ANKRD30A: variants seen among roughly 807,000 people sequenced by gnomAD.
The protein encoded by ANKRD30A is ankyrin repeat domain-containing protein 30A.
A neutral mutation model predicts 166.3 loss-of-function variants in ANKRD30A; 170 were observed. The ratio of observed to expected loss-of-function variants is 1.02; its 90% CI spans 0.90 to 1.16. The LOEUF is 1.16. ANKRD30A is among the 50% of genes most tolerant of loss of function. The pLI is 0.00. For synonymous variants in ANKRD30A, 564 were observed against 508.9 expected (o/e 1.11, Z -1.46); for missense variants, 1,630 against 1,518.0 (o/e 1.07, Z -1.23).
chr10:37,171,716 T>C (rs1217482432), intron 21 of ANKRD30A, among the ~76,000 whole-genome samples: 3 of 151,226 alleles, frequency 2.0e-5, no homozygotes, highest in Non-Finnish European at 4.4e-5. Flanking sequence ...TTTAAAAAGA[T>C]ATAAATCAAA....
Position 37,193,204 on chromosome 10 carries a change from G to A in ANKRD30A, c.2560G>A (p.Val854Ile), listed in dbSNP as rs749191300. Residue 854 changes from valine (V) to isoleucine (I), a missense_variant, in exon 27 of 36, where the codon GTT becomes ATT. Physicochemically the swap from Val to Ile is conservative, Grantham distance 29. This residue lies in a region of ANKRD30A where 712 missense variants were observed against 629.3 expected (regional missense o/e 1.13). Coordinates refer to ENST00000361713, the MANE Select transcript of ANKRD30A (RefSeq NM_052997.3). ...GFLKAPCRMK[V>I]SIPTKALELM... ...CATTTAGGCTCCCTGCAGAATGAAAGTTTCTATTCCAACTAAAGCCTTAGA... is the reference window on the plus strand; with the variant it reads ...CATTTAGGCTCCCTGCAGAATGAAAATTTCTATTCCAACTAAAGCCTTAGA... 1.2e-6 allele frequency: 2 copies of A among 1,611,890 alleles called. No homozygotes were observed. The highest frequency in any genetic ancestry group is 1.7e-6 in the Non-Finnish European group (2 of 1,179,316).
chr10:37,161,115 G>T (rs1215903433), intron 15 of ANKRD30A, among the ~76,000 whole-genome samples: 1 of 152,128 alleles, frequency 6.6e-6, no homozygotes. Flanking sequence ...TTAGTCGGAC[G>T]TGGTGGCACG....
chr10:37,142,021 C>T lies in ANKRD30A; in HGVS notation c.1124C>T (p.Pro375Leu). The T allele has an allele frequency of 6.2e-7, 1 of 1,603,858 alleles. No individual in the cohort carries two copies. The highest frequency in any genetic ancestry group is 1.4e-5 in the African/African-American group (1 of 71,916). Residue 375 changes from proline (P) to leucine (L), a missense_variant, in exon 7 of 36, where the codon CCA becomes CTA. Around this residue, in one of 4 missense-constraint regions of ANKRD30A, gnomAD observed 904 missense variants for 818.5 expected, o/e 1.10. Coordinates refer to ENST00000361713, the MANE Select transcript of ANKRD30A (RefSeq NM_052997.3). Reference sequence around the variant, plus strand: ...GAAACATCTGAGAAATTTACGTGGCCAGCAAAAGGAAGACCTAGGAAGATC... The same window carrying T: ...GAAACATCTGAGAAATTTACGTGGCTAGCAAAAGGAAGACCTAGGAAGATC... ...AKETSEKFTW[P>L]AKGRPRKIAW... is the part of the protein sequence containing the mutation.
the ANKRD30A span, among the ~76,000 whole-genome samples, chr10:37,254,456 C>A: frequency 1.6e-4 from 24 of 152,196 alleles, 1 homozygote; most frequent in African/African-American, 5.3e-4. Flanking sequence ...TTTGTATTTT[C>A]TTGATGGCTG....
At chr10:37,154,848 A>G (rs1838241291) in intron 13 of ANKRD30A, among the ~76,000 whole-genome samples, 1 of 152,158 alleles carries the variant, frequency 6.6e-6, no homozygotes, top group African/African-American at 2.4e-5. Context: ...AATCATGAGG[A>G]TTACTAGAAT....
At chr10:37,226,488 AT>A (rs949961029) in intron 34 of ANKRD30A, among the ~76,000 whole-genome samples, 2 of 151,668 alleles carry the variant, frequency 1.3e-5, no homozygotes, top group African/African-American at 4.8e-5. Context: ...ATAGCATAAC[AT>A]TTTCAAGGTC....
chr10:37,218,743 ACTCT>A (rs1842726965), intron 33 of ANKRD30A, among the ~76,000 whole-genome samples: 2 of 148,188 alleles, frequency 1.3e-5, no homozygotes, highest in African/African-American at 4.9e-5. Flanking sequence ...GTTCTTAAAA[ACTCT>A]CTAGTCATTT....
At chr10:37,197,580 A>G (rs1841242240) in intron 29 of ANKRD30A, 100 bp downstream of exon 29, 12 of 1,557,952 alleles carry the variant, frequency 7.7e-6, no homozygotes, top group East Asian at 4.6e-5. Flanking sequence ...AACTTTGATG[A>G]TAAGTTTTGA....
At chr10:37,257,729 T>G in the ANKRD30A span, among the ~76,000 whole-genome samples, 1 of 152,334 alleles carries the variant, frequency 6.6e-6, no homozygotes, top group East Asian at 1.9e-4. Context: ...TTCTTAATCC[T>G]GAGTTCTAAT....
intron 24 of ANKRD30A, among the ~76,000 whole-genome samples, chr10:37,179,054 A>ATATATATATATATATATG (rs1839984368): frequency 7.4e-6 from 1 of 135,428 alleles, no homozygotes; most frequent in African/African-American, 2.9e-5. Context: ...ATATATATAT[A>ATATATATATATATATATG]TATATATATA....
In ANKRD30A at chr10:37,197,475, G is replaced by A. The variant is rs1177642162; in HGVS notation, c.2711G>A (p.Arg904Lys). 6.2e-7 allele frequency: 1 copy of A among 1,612,116 alleles called. No individual in the cohort carries two copies. Among genetic ancestry groups the A allele is most frequent in the Non-Finnish European group, 8.5e-7 (1 of 1,179,660 alleles). Reference protein sequence around the residue: ...ALELKNEQTLRADQMFPSESK... With the variant: ...ALELKNEQTLKADQMFPSESK... ...GAATTGAAGAATGAACAAACATTGA[G>A]AGCAGGTACATTTTTCAATGTAACT... is the stretch of plus-strand genomic sequence containing the variant. The change falls in exon 29 of 36, where the codon AGA becomes AAA. Residue 904 changes from arginine to lysine, a missense_variant. Physicochemically the swap from Arg to Lys is conservative, Grantham distance 26 (BLOSUM62 2). Transcript: ENST00000361713.
intron 27 of ANKRD30A, among the ~76,000 whole-genome samples, 189 bp downstream of exon 27, chr10:37,193,447 G>C (rs953996127): frequency 4.0e-5 from 6 of 151,784 alleles, no homozygotes; most frequent in African/African-American, 1.5e-4. Context: ...TAGAGATTTA[G>C]AAAAAAAATT....
chr10:37,205,839 A>T (rs192815766), intron 31 of ANKRD30A, among the ~76,000 whole-genome samples: 1 of 152,210 alleles, frequency 6.6e-6, no homozygotes, highest in Non-Finnish European at 1.5e-5. Flanking sequence ...TGCAATTTTA[A>T]TAAATTCTCT....
At chr10:37,196,093 A>ATTTTTTTTTTTT (rs749036981) in intron 27 of ANKRD30A, among the ~76,000 whole-genome samples, 2 of 129,456 alleles carry the variant, frequency 1.5e-5, no homozygotes, top group Non-Finnish European at 3.2e-5. Context: ...TATATTTTCT[A>ATTTTTTTTTTTT]TTTTTTTTTT....
the ANKRD30A span, chr10:37,248,154 T>A: frequency 7.9e-6 from 5 of 631,638 alleles, no homozygotes; most frequent in Non-Finnish European, 1.5e-5. Flanking sequence ...TCTGGGAGTC[T>A]TCCAGAGGTC....
At chr10:37,128,573 A>G (rs986747634) in intron 1 of ANKRD30A, among the ~76,000 whole-genome samples, 2 of 152,054 alleles carry the variant, frequency 1.3e-5, no homozygotes, top group African/African-American at 4.8e-5. Context: ...AAAAGAGCAA[A>G]TATAAGTGCT....
chr10:37,183,328 A>C (rs1840160625), intron 24 of ANKRD30A, among the ~76,000 whole-genome samples: 1 of 145,162 alleles, frequency 6.9e-6, no homozygotes, highest in African/African-American at 2.5e-5. Context: ...AATAGGAAAA[A>C]CATTATGTGA....
Position 37,152,742 on chromosome 10 carries a change from C to T in ANKRD30A, c.1707+621C>T, listed in dbSNP as rs1345274222. On this transcript the variant is annotated intron_variant, in intron 12 of 35. Transcript: ENST00000361713. ...TAGAACTCCTTGAGTCCTCTTATGG[C>T]AGTCAAGCTGCAGCAGCATGAGCGT... Among the ~76,000 whole-genome samples, 5 of 151,964 alleles carry T rather than the reference C, an allele frequency of 3.3e-5. No homozygotes were observed. The East Asian group carries it at 9.7e-4, about 29-fold the overall frequency.
At position 37,162,850 on chromosome 10, in the gene ANKRD30A, T is replaced by G; in HGVS notation, c.2002+2T>G. On this transcript the variant is annotated splice_donor_variant, in intron 17 of 35. Coordinates refer to ENST00000361713, the MANE Select transcript of ANKRD30A (RefSeq NM_052997.3). LOFTEE classifies it high-confidence loss of function. ...AAAATGAACAAACATTGAGAGCAGG[T>G]AAATTTTTCAATGTAACTATGGAAA... The G allele has an allele frequency of 1.2e-6, 2 of 1,613,006 alleles. No individual in the cohort carries two copies. The highest frequency in any genetic ancestry group is 1.7e-6 in the Non-Finnish European group (2 of 1,179,386).
Sources: gnomAD v4.1 joint callset for allele counts (sites outside exome capture counted in the v4.1 genomes callset) on GRCh38, gnomAD v4.1.1 for gene constraint, gnomAD v4.1.1 regional missense constraint, MANE v1.5 for transcripts, NCBI Gene and HGNC (gene_info 2026-07-23, HGNC 2026-07-21) for gene names.